Variants in RPGRIP1L observed in about 807,000 individuals in gnomAD.
The protein encoded by RPGRIP1L is RPGRIP1 like.
Under a neutral mutation model 160.4 loss-of-function variants are expected in RPGRIP1L, and 131 were observed. The ratio of observed to expected loss-of-function variants is 0.82; its 90% CI spans 0.71 to 0.94. RPGRIP1L has a LOEUF of 0.94. RPGRIP1L is among the 40% of genes least tolerant of loss of function. RPGRIP1L has a pLI of 0.00. For synonymous variants in RPGRIP1L, 510 were observed against 515.8 expected (o/e 0.99, Z 0.15); for missense variants, 1,522 against 1,535.8 (o/e 0.99, Z 0.15).
At chr16:53,619,287 C>T in intron 23 of RPGRIP1L, 79 bp from the exon 24 acceptor site, 1 of 1,348,682 alleles carries the variant, frequency 7.4e-7, no homozygotes, top group East Asian at 2.3e-5. Flanking sequence ...TTTCCACTAT[C>T]AATTTTAAAT....
In RPGRIP1L at chr16:53,641,080, C is replaced by A. The variant is rs1966184423; in HGVS notation, c.2911G>T (p.Val971Leu). 6.2e-7 allele frequency: 1 copy of A among 1,613,840 alleles called. No individual in the cohort carries two copies. The highest frequency in any genetic ancestry group is 8.5e-7 in the Non-Finnish European group (1 of 1,179,852). ...TCCACGAAAGATACCTTCTTATCTA[C>A]AGGTGTTAAACGTTGTCTTGGTTTA... is the stretch of plus-strand genomic sequence containing the variant. ...RPKPRQRLTPVDKKVSFVDIM... is the reference protein window; with the variant it reads ...RPKPRQRLTPLDKKVSFVDIM... The change falls in exon 19 of 27, where the codon GTA (valine) becomes TTA (leucine). Residue 971 changes from valine (V) to leucine (L), a missense_variant. Transcript: ENST00000647211.
At chr16:53,696,943 C>G (rs1970808490) in intron 2 of RPGRIP1L, among the ~76,000 whole-genome samples, 1 of 152,192 alleles carries the variant, frequency 6.6e-6, no homozygotes, top group Non-Finnish European at 1.5e-5. Context: ...CCTGTAATCT[C>G]AGCACTTTGG....
intron 15 of RPGRIP1L, among the ~76,000 whole-genome samples, chr16:53,649,464 T>A (rs1242696594): frequency 2.6e-5 from 4 of 152,218 alleles, no homozygotes; most frequent in Non-Finnish European, 5.9e-5. Context: ...ATACTTTTTT[T>A]AAACAAGTTG....
chr16:53,655,673 AT>A (rs1337543924), intron 14 of RPGRIP1L: 1 of 152,220 alleles, frequency 6.6e-6, no homozygotes, highest in Non-Finnish European at 1.5e-5. Flanking sequence ...TTGCACCTCC[AT>A]CTGAATAGCT....
intron 26 of RPGRIP1L, among the ~76,000 whole-genome samples, chr16:53,605,129 C>T (rs1182367412): frequency 6.6e-6 from 1 of 151,264 alleles, no homozygotes; most frequent in Non-Finnish European, 1.5e-5. Flanking sequence ...TGCAGTGAGC[C>T]AAGACTGCAC....
intron 10 of RPGRIP1L, among the ~76,000 whole-genome samples, chr16:53,661,647 C>G (rs914353745): frequency 6.6e-6 from 1 of 152,100 alleles, no homozygotes; most frequent in African/African-American, 2.4e-5. Flanking sequence ...CCATCTTTAT[C>G]CAGACACACT....
intron 22 of RPGRIP1L, among the ~76,000 whole-genome samples, chr16:53,633,164 T>C (rs748315276): frequency 7.2e-5 from 11 of 152,226 alleles, no homozygotes; most frequent in Non-Finnish European, 1.3e-4. Context: ...CAGAAGCAGT[T>C]CTTAGAGAAG....
At position 53,599,672 on chromosome 16, in the gene RPGRIP1L, C is replaced by G. The variant is rs1963297466; in HGVS notation, c.*2404G>C. On this transcript the variant is annotated 3_prime_UTR_variant, in exon 27 of 27. Coordinates refer to ENST00000647211, the MANE Select transcript of RPGRIP1L (RefSeq NM_015272.5). ...TGACGCCAAGCCCTCTTCAATGGATCCAGTTTGGCTCACCAAGAGAAATCC... is the reference window on the plus strand; with the variant it reads ...TGACGCCAAGCCCTCTTCAATGGATGCAGTTTGGCTCACCAAGAGAAATCC... 1 of 152,206 alleles carries G rather than the reference C, an allele frequency of 6.6e-6. No homozygotes were observed. The highest frequency in any genetic ancestry group is 6.5e-5 in the Admixed American group (1 of 15,284). The allele number at this position is 152,206 out of a possible 1,614,324, so 9.4% of individuals were successfully genotyped here.
At chr16:53,656,076 G>T (rs1235763432) in intron 14 of RPGRIP1L, among the ~76,000 whole-genome samples, 3 of 152,132 alleles carry the variant, frequency 2.0e-5, no homozygotes, top group Non-Finnish European at 4.4e-5. Flanking sequence ...TAGTAAATTT[G>T]AGTTTGTAGT....
intron 8 of RPGRIP1L, among the ~76,000 whole-genome samples, chr16:53,672,563 A>G (rs1429061761): frequency 6.6e-6 from 1 of 152,170 alleles, no homozygotes; most frequent in African/African-American, 2.4e-5. Context: ...ATGATTAATA[A>G]GCTGTTACAG....
At chr16:53,666,232 T>A (rs1460054594) in intron 9 of RPGRIP1L, among the ~76,000 whole-genome samples, 2 of 152,160 alleles carry the variant, frequency 1.3e-5, no homozygotes, top group South Asian at 2.1e-4. Context: ...ACATTTTGAA[T>A]ATTTTACTGC....
chr16:53,700,547 T>C lies in RPGRIP1L; in HGVS notation c.85+92A>G, dbSNP rs1971315726. The C allele has an allele frequency of 3.1e-6, 3 of 962,268 alleles. No individual in the cohort carries two copies. The South Asian group carries it at 4.1e-5, about 13-fold the overall frequency. The allele number at this position is 962,268 out of a possible 1,614,324, so 59.6% of individuals were successfully genotyped here. On this transcript the variant is annotated intron_variant, in intron 2 of 26. Coordinates refer to ENST00000647211, the MANE Select transcript of RPGRIP1L (RefSeq NM_015272.5). ...ATCAAGGACTATATAGTTACTTAAATGGTTTGGTTTGTATGAGTATAAGAA... is the reference window on the plus strand; with the variant it reads ...ATCAAGGACTATATAGTTACTTAAACGGTTTGGTTTGTATGAGTATAAGAA...
intron 6 of RPGRIP1L, among the ~76,000 whole-genome samples, chr16:53,683,798 A>G (rs1464851192): frequency 6.6e-6 from 1 of 152,172 alleles, no homozygotes; most frequent in Non-Finnish European, 1.5e-5. Context: ...CAGAAAATGA[A>G]TGAACAGGTA....
chr16:53,607,585 G>C (rs182343472), intron 25 of RPGRIP1L, among the ~76,000 whole-genome samples: 5 of 152,294 alleles, frequency 3.3e-5, no homozygotes, highest in African/African-American at 1.2e-4. Context: ...TATGCAGACT[G>C]TAATAATAAT....
chr16:53,602,161 C>A lies in RPGRIP1L; in HGVS notation c.3863G>T (p.Gly1288Val), dbSNP rs745687958. The change falls in exon 27 of 27, where the codon GGT (glycine) becomes GTT (valine). Residue 1288 changes from glycine (G) to valine (V), a missense_variant. Coordinates refer to ENST00000647211, the MANE Select transcript of RPGRIP1L (RefSeq NM_015272.5). ...DVFDARADGE[G>V]IGKLRVTVEA... Reference sequence around the variant, plus strand: ...GACTGTTACCCTGAGCTTGCCAATACCTTCACCATCTGCTCGTGCATCAAA... The same window carrying A: ...GACTGTTACCCTGAGCTTGCCAATAACTTCACCATCTGCTCGTGCATCAAA... 5 of 1,613,402 alleles carry A rather than the reference C, an allele frequency of 3.1e-6. No homozygotes were observed. The South Asian group carries it at 4.4e-5, about 14-fold the overall frequency.
intron 7 of RPGRIP1L, among the ~76,000 whole-genome samples, chr16:53,673,846 T>C (rs1450898663): frequency 1.3e-5 from 2 of 152,122 alleles, no homozygotes; most frequent in African/African-American, 2.4e-5. Flanking sequence ...TCTCAATTTT[T>C]TACCCTATGT....
rs189263503 is a variant in RPGRIP1L, at chr16:53,659,208, T to A, written c.1244-330A>T. 3.4e-5 allele frequency: 33 copies of A among 979,538 alleles called. No individual in the cohort carries two copies. In the East Asian group the frequency reaches 2.3e-3, roughly 69 times the overall value. The allele number at this position is 979,538 out of a possible 1,614,324, so 60.7% of individuals were successfully genotyped here. On this transcript the variant is annotated intron_variant, in intron 10 of 26. Transcript: ENST00000647211. The stretch of plus-strand genomic sequence containing the variant: ...ATGTGTTTCAAAATCTGTGATTTTT[T>A]ACTTACTTATTAAGGCTCCTGAAAA...
In RPGRIP1L at chr16:53,703,857, G is replaced by A. The variant is rs562413151; in HGVS notation, c.-62C>T. 1.8e-4 allele frequency: 91 copies of A among 504,874 alleles called. No homozygotes were observed. The highest frequency in any genetic ancestry group is 1.6e-3 in the African/African-American group (83 of 52,032). 31.3% of individuals were successfully genotyped at this position (504,874 alleles called of 1,614,324 possible). On this transcript the variant is annotated 5_prime_UTR_variant, in exon 1 of 27. Coordinates refer to ENST00000647211, the MANE Select transcript of RPGRIP1L (RefSeq NM_015272.5). Reference sequence around the variant, plus strand: ...TTGCTATAGCGCCGACAGCGTGGCGGGCGGCTGGCCGAGAGGAGCACGGGA... The same window carrying A: ...TTGCTATAGCGCCGACAGCGTGGCGAGCGGCTGGCCGAGAGGAGCACGGGA...
Position 53,651,272 on chromosome 16 carries a change from T to C in RPGRIP1L, c.2152+1263A>G, listed in dbSNP as rs538716821. 2.0e-5 allele frequency among the ~76,000 whole-genome samples: 3 copies of C among 152,340 alleles called. No homozygotes were observed. The South Asian group carries it at 6.2e-4, about 32-fold the overall frequency. On this transcript the variant is annotated intron_variant, in intron 15 of 26. Coordinates refer to ENST00000647211, the MANE Select transcript of RPGRIP1L (RefSeq NM_015272.5). ...AAGCAAGTCTTGAAGGAGAAGTTAA[T>C]AAAATATGTACTGAATATGACTACT...
Sources: allele counts gnomAD v4.1 joint callset (sites outside exome capture counted in the v4.1 genomes callset), GRCh38; gene constraint gnomAD v4.1.1; transcripts MANE v1.5; gene names NCBI Gene and HGNC (gene_info 2026-07-23, HGNC 2026-07-21).